TMEM163: variants seen among roughly 807,000 people sequenced by gnomAD.
The protein encoded by TMEM163 is transmembrane protein 163.
A neutral mutation model predicts 29.3 loss-of-function variants in TMEM163; 17 were observed. That is an observed-to-expected ratio of 0.58 (90% CI 0.40 to 0.87). The LOEUF is 0.87. TMEM163 is among the 40% of genes least tolerant of loss of function. The pLI, the probability that TMEM163 is intolerant of heterozygous loss-of-function variation, is 0.00. For missense variants in TMEM163, 303 were observed against 381.5 expected, an observed-to-expected ratio of 0.79 and a Z score of 1.71; for synonymous variants, 157 against 160.6, an observed-to-expected ratio of 0.98 and a Z score of 0.17.
At chr2:134,638,679 G>A (rs889897435) in intron 2 of TMEM163, among the ~76,000 whole-genome samples, 2 of 152,164 alleles carry the variant, frequency 1.3e-5, no homozygotes, top group Admixed American at 1.3e-4. Context: ...GATGGTATGG[G>A]GACAGGAACA....
At chr2:134,630,191 T>G (rs1682935378) in intron 2 of TMEM163, among the ~76,000 whole-genome samples, 1 of 152,058 alleles carries the variant, frequency 6.6e-6, no homozygotes, top group Admixed American at 6.5e-5. Flanking sequence ...ACTTTTTGCA[T>G]CTGTACAATA....
At chr2:134,592,796 G>C (rs905537931) in intron 2 of TMEM163, among the ~76,000 whole-genome samples, 1 of 151,222 alleles carries the variant, frequency 6.6e-6, no homozygotes, top group African/African-American at 2.4e-5. Context: ...TATTAATATA[G>C]ATATAGATAG....
At chr2:134,698,037 C>A (rs1684618894) in intron 2 of TMEM163, among the ~76,000 whole-genome samples, 1 of 152,174 alleles carries the variant, frequency 6.6e-6, no homozygotes, top group African/African-American at 2.4e-5. Flanking sequence ...CACTGCTGGC[C>A]TAGATCAGAG....
At chr2:134,597,122 T>C (rs1039716107) in intron 2 of TMEM163, among the ~76,000 whole-genome samples, 3 of 152,170 alleles carry the variant, frequency 2.0e-5, no homozygotes, top group African/African-American at 7.2e-5. Context: ...TCCTGCCTGA[T>C]TGCCCTGGCC....
chr2:134,478,865 G>A (rs151000442), intron 5 of TMEM163, among the ~76,000 whole-genome samples: 13 of 152,320 alleles, frequency 8.5e-5, no homozygotes, highest in Non-Finnish European at 1.6e-4. Flanking sequence ...CAGCCCCAGA[G>A]GCCTCAGAGG....
At chr2:134,501,576 C>T (rs76517281) in intron 5 of TMEM163, among the ~76,000 whole-genome samples, 4,172 of 152,300 alleles carry the variant, frequency 0.027, 86 homozygotes, top group Non-Finnish European at 0.044. Flanking sequence ...CGTTACCTGA[C>T]TGACATCTAA....
chr2:134,653,842 T>C (rs1170082110), intron 2 of TMEM163, among the ~76,000 whole-genome samples: 1 of 124,666 alleles, frequency 8.0e-6, no homozygotes, highest in East Asian at 2.0e-4. Flanking sequence ...TCAGTTTCCA[T>C]GTAGTTGAGC....
At chr2:134,692,636 G>A (rs764198071) in intron 2 of TMEM163, among the ~76,000 whole-genome samples, 9 of 152,240 alleles carry the variant, frequency 5.9e-5, no homozygotes, top group Middle Eastern at 3.4e-3. Flanking sequence ...GTCCTCACAC[G>A]GCCGTTCCTC....
intron 2 of TMEM163, among the ~76,000 whole-genome samples, chr2:134,687,601 C>T (rs1207728643): frequency 6.6e-6 from 1 of 152,174 alleles, no homozygotes; most frequent in African/African-American, 2.4e-5. Context: ...AAAACTCGTT[C>T]TTAAATGCCA....
intron 2 of TMEM163, among the ~76,000 whole-genome samples, chr2:134,595,008 T>C (rs1296557250): frequency 1.3e-5 from 2 of 152,026 alleles, no homozygotes; most frequent in Admixed American, 6.6e-5. Context: ...AAAATCTATT[T>C]CCAGGCAGCT....
intron 2 of TMEM163, among the ~76,000 whole-genome samples, chr2:134,585,907 T>C (rs1054289761): frequency 5.9e-5 from 9 of 152,214 alleles, no homozygotes; most frequent in African/African-American, 2.2e-4. Flanking sequence ...TTATTAAATA[T>C]AAAAGCCAAC....
intron 2 of TMEM163, among the ~76,000 whole-genome samples, chr2:134,657,530 T>C (rs1320308768): frequency 1.4e-5 from 2 of 147,690 alleles, no homozygotes; most frequent in Admixed American, 1.3e-4. Flanking sequence ...AGGCTGGGCA[T>C]GGTGGCGCAT....
chr2:134,498,131 C>G (rs2014689), intron 5 of TMEM163, among the ~76,000 whole-genome samples: 20,211 of 152,118 alleles, frequency 0.13, 1,686 homozygotes, highest in Middle Eastern at 0.3. Flanking sequence ...CTAAGAGGGG[C>G]CCCAGAGTCA....
intron 2 of TMEM163, among the ~76,000 whole-genome samples, chr2:134,571,830 T>G (rs1308939474): frequency 6.6e-6 from 1 of 152,090 alleles, no homozygotes; most frequent in East Asian, 1.9e-4. Context: ...TGACCAGGGA[T>G]TTTACTGGGG....
At chr2:134,663,114 G>A (rs57876245) in intron 2 of TMEM163, among the ~76,000 whole-genome samples, 15,899 of 152,136 alleles carry the variant, frequency 0.1, 997 homozygotes, top group South Asian at 0.17. Flanking sequence ...GTGGCCAGAA[G>A]AACAAAAAAA....
rs116638611 is a variant in TMEM163 at position 134,523,831 on chromosome 2, C to T, written c.459-20834G>A. Among the ~76,000 whole-genome samples, 570 of 152,320 alleles carry T rather than the reference C, an allele frequency of 3.7e-3. 6 individuals carry two copies. The highest frequency in any genetic ancestry group is 0.013 in the African/African-American group (550 of 41,564). On this transcript the variant is annotated intron_variant, in intron 4 of 7. Coordinates refer to ENST00000281924, the MANE Select transcript of TMEM163 (RefSeq NM_030923.5). Reference sequence around the variant, plus strand: ...GAGGAGATTTTTACCCCCACTCCACCTCACTTCTCCCCCAACTCCCTCCCA... The same window carrying T: ...GAGGAGATTTTTACCCCCACTCCACTTCACTTCTCCCCCAACTCCCTCCCA...
At position 134,680,612 on chromosome 2, in the gene TMEM163, G is replaced by A. The variant is rs149314439; in HGVS notation, c.322+32588C>T. Among the ~76,000 whole-genome samples, 6 of 152,270 alleles carry A rather than the reference G, an allele frequency of 3.9e-5. No homozygotes were observed. In the East Asian group the frequency reaches 5.8e-4, roughly 15 times the overall value. On this transcript the variant is annotated intron_variant, in intron 2 of 7. Transcript: ENST00000281924. ...GGCTCATTATGGACCACATTAATGC[G>A]CAAGGTTCTCTCAGTTCTTCTGACA...
chr2:134,614,306 T>G (rs977116497), intron 2 of TMEM163, among the ~76,000 whole-genome samples: 1 of 152,130 alleles, frequency 6.6e-6, no homozygotes, highest in Non-Finnish European at 1.5e-5. Context: ...TCACACTTTA[T>G]ATAAAATTAA....
intron 2 of TMEM163, among the ~76,000 whole-genome samples, chr2:134,666,023 GC>G (rs1177138302): frequency 6.6e-6 from 1 of 152,148 alleles, no homozygotes; most frequent in Non-Finnish European, 1.5e-5. Context: ...TTAGTAAGCA[GC>G]TCCCTCTGAG....
Sources: allele counts gnomAD v4.1 joint callset (sites outside exome capture counted in the v4.1 genomes callset), GRCh38; gene constraint gnomAD v4.1.1; transcripts MANE v1.5; gene names NCBI Gene and HGNC (gene_info 2026-07-23, HGNC 2026-07-21).